Variants in DNAH10 observed in about 807,000 individuals in gnomAD.
DNAH10 encodes axonemal beta dynein heavy chain 10.
Under a neutral mutation model 506.6 loss-of-function variants are expected in DNAH10, and 348 were observed. That is an observed-to-expected ratio of 0.69 (90% CI 0.63 to 0.75). The LOEUF is 0.75. DNAH10 is among the 30% of genes least tolerant of loss of function. DNAH10 has a pLI of 0.00. For synonymous variants in DNAH10, 2,059 were observed against 2,198.6 expected, an observed-to-expected ratio of 0.94 and a Z score of 1.78; for missense variants, 5,179 against 5,787.1, an observed-to-expected ratio of 0.89 and a Z score of 3.41.
chr12:123,907,448 T>C lies in DNAH10; in HGVS notation c.9816-1813T>C, dbSNP rs1226381366. ...ACAGACATCTCCCTTTCTCTTGACT[T>C]GCACCCTCCACATTTCACACACCTT... is the stretch of plus-strand genomic sequence containing the variant. On this transcript the variant is annotated intron_variant, in intron 57 of 78. Transcript: ENST00000673944. The surrounding 1 kb of genome is among the most constrained non-coding windows in gnomAD (Gnocchi z 4.4). Among the ~76,000 whole-genome samples the C allele has an allele frequency of 6.6e-6, 1 of 152,196 alleles. No individual in the cohort carries two copies. Among genetic ancestry groups the C allele is most frequent in the Non-Finnish European group, 1.5e-5 (1 of 68,024 alleles).
intron 5 of DNAH10, among the ~76,000 whole-genome samples, chr12:123,775,237 T>TCA (rs1287171953): frequency 5.9e-5 from 9 of 152,180 alleles, no homozygotes; most frequent in Admixed American, 5.9e-4. Context: ...GCCTCCTGAG[T>TCA]GGCTGGGATT....
intron 17 of DNAH10, 101 bp downstream of exon 17, chr12:123,803,926 T>C: frequency 8.7e-7 from 1 of 1,145,580 alleles, no homozygotes; most frequent in Non-Finnish European, 1.2e-6. Flanking sequence ...ACATATGTAT[T>C]TGTATGTTCC....
At chr12:123,908,803 G>A (rs1953928939) in intron 57 of DNAH10, among the ~76,000 whole-genome samples, 1 of 152,158 alleles carries the variant, frequency 6.6e-6, no homozygotes, top group South Asian at 2.1e-4. Context: ...AGTCATGCAA[G>A]CTCCCAGGAC....
rs1343317952 is a variant in DNAH10 at position 123,913,729 on chromosome 12, G to A, written c.10352+414G>A. 2.0e-5 allele frequency among the ~76,000 whole-genome samples: 3 copies of A among 152,196 alleles called. No homozygotes were observed. The highest frequency in any genetic ancestry group is 1.3e-4 in the Admixed American group (2 of 15,286). ...GTGGCTTGTTCAATCCTGGGCTTCA[G>A]TCTTAAGTGATGGGGCTGTTTGATA... is the stretch of plus-strand genomic sequence containing the variant. On this transcript the variant is annotated intron_variant, in intron 60 of 78. Transcript: ENST00000673944. This position sits in a 1 kb window ranked among gnomAD's most constrained non-coding sequence, Gnocchi z 5.1.
chr12:123,873,657 C>T lies in DNAH10; in HGVS notation c.7885C>T (p.Pro2629Ser), dbSNP rs1952124845. ...AAAGCGAACCAAAGATACTTACGGC[C>T]CACCCATGGGAAAACGCCTGCTGGT... ...VEKRTKDTYGPPMGKRLLVFM... is the reference protein window; with the variant it reads ...VEKRTKDTYGSPMGKRLLVFM... Residue 2629 changes from proline (P) to serine (S), a missense_variant, in exon 46 of 79, where the codon CCA (proline) becomes TCA (serine). Pro to Ser is a moderately conservative substitution (Grantham distance 74). This residue lies in a region of DNAH10 where 4,844 missense variants were observed against 5,430.5 expected (regional missense o/e 0.89). Transcript: ENST00000673944. The T allele has an allele frequency of 6.2e-7, 1 of 1,613,396 alleles. No homozygotes were observed. The highest frequency in any genetic ancestry group is 8.5e-7 in the Non-Finnish European group (1 of 1,179,720).
intron 44 of DNAH10, 52 bp from the exon 45 acceptor site, chr12:123,871,405 G>A: frequency 1.9e-6 from 3 of 1,559,762 alleles, no homozygotes; most frequent in Non-Finnish European, 2.6e-6. Context: ...TGCCCCCAGT[G>A]CTCACCCTAT....
chr12:123,769,857 G>A (rs551894114), intron 2 of DNAH10, among the ~76,000 whole-genome samples: 2 of 151,286 alleles, frequency 1.3e-5, no homozygotes, highest in Non-Finnish European at 2.9e-5. Flanking sequence ...GGGCTCAAGC[G>A]ATCCTCCTGC....
intron 52 of DNAH10, among the ~76,000 whole-genome samples, chr12:123,887,726 C>T (rs1279474555): frequency 6.6e-6 from 1 of 151,992 alleles, no homozygotes; most frequent in Non-Finnish European, 1.5e-5. Context: ...GAGTTTGAGA[C>T]CCCGTCTTTA....
chr12:123,856,913 T>G (rs953050448), intron 36 of DNAH10, 143 bp from the exon 37 acceptor site: 15 of 435,578 alleles, frequency 3.4e-5, no homozygotes, highest in Non-Finnish European at 5.1e-5. Context: ...TAAATGTGTA[T>G]AAAATTGTTA....
intron 2 of DNAH10, among the ~76,000 whole-genome samples, chr12:123,769,209 G>A (rs761963200): frequency 9.9e-5 from 15 of 151,506 alleles, no homozygotes; most frequent in South Asian, 2.1e-4. Context: ...GCAATGGTGC[G>A]ATCTCGGCTT....
intron 16 of DNAH10, 65 bp from the exon 17 acceptor site, chr12:123,803,593 CGTT>C (rs1958550395): frequency 7.2e-7 from 1 of 1,394,182 alleles, no homozygotes; most frequent in East Asian, 2.6e-5. Context: ...ACATCACAGA[CGTT>C]GGTGGGGGGA....
Position 123,934,641 on chromosome 12 carries a change from T to C in DNAH10, c.13498T>C (p.Tyr4500His). 1 of 1,613,698 alleles carries C rather than the reference T, an allele frequency of 6.2e-7. No individual in the cohort carries two copies. The highest frequency in any genetic ancestry group is 8.5e-7 in the Non-Finnish European group (1 of 1,179,784). The change falls in exon 78 of 79, where the codon TAC (tyrosine) becomes CAC (histidine). Residue 4500 changes from tyrosine to histidine, a missense_variant. Transcript: ENST00000673944. ...CCTAGGATGCTTTGTCTCAGGACTG[T>C]ACCTGGAAGGTGCTGACTGGGATAT... Reference protein sequence around the residue: ...AGQGCFVSGLYLEGADWDIEK... With the variant: ...AGQGCFVSGLHLEGADWDIEK...
intron 54 of DNAH10, among the ~76,000 whole-genome samples, chr12:123,897,172 C>T (rs767485395): frequency 2.0e-5 from 3 of 152,194 alleles, no homozygotes; most frequent in East Asian, 3.8e-4. Flanking sequence ...GTTTCAGCAT[C>T]GGAACTTCAT....
rs558429595 is a variant in DNAH10 at position 123,934,843 on chromosome 12, A to G, written c.13623+77A>G. ...TGTAGTTATGGCTGAGGTGGTTTCC[A>G]ACAGTCCTACTTTTTAAAACAGGGG... is the stretch of plus-strand genomic sequence containing the variant. On this transcript the variant is annotated intron_variant, in intron 78 of 78. Coordinates refer to ENST00000673944, the MANE Select transcript of DNAH10 (RefSeq NM_001372106.1). 7.1e-5 allele frequency: 112 copies of G among 1,571,486 alleles called. No individual in the cohort carries two copies. The African/African-American group carries it at 1.2e-3, about 17-fold the overall frequency.
intron 2 of DNAH10, among the ~76,000 whole-genome samples, chr12:123,768,254 C>T (rs764254213): frequency 6.6e-6 from 1 of 152,160 alleles, no homozygotes; most frequent in Non-Finnish European, 1.5e-5. Context: ...CCTGCCTCAG[C>T]CTCCCAAGTA....
intron 12 of DNAH10, among the ~76,000 whole-genome samples, chr12:123,795,304 T>A (rs1594045269): frequency 6.6e-6 from 1 of 152,212 alleles, no homozygotes; most frequent in South Asian, 2.1e-4. Context: ...CTGGAACTAA[T>A]GACCACAGAT....
rs533252088 is a variant in DNAH10 at position 123,925,654 on chromosome 12, C to T, written c.11921+450C>T. The T allele has an allele frequency of 3.2e-4, 53 of 164,688 alleles. No individual in the cohort carries two copies. Among genetic ancestry groups the T allele is most frequent in the Non-Finnish European group, 5.8e-4 (44 of 75,876 alleles). 10.2% of individuals were successfully genotyped at this position (164,688 alleles called of 1,614,324 possible). On this transcript the variant is annotated intron_variant, in intron 68 of 78. Coordinates refer to ENST00000673944, the MANE Select transcript of DNAH10 (RefSeq NM_001372106.1). This position sits in a 1 kb window ranked among gnomAD's most constrained non-coding sequence, Gnocchi z 4.0. ...TTTAAGTGCTGTGCCTCACGGCCAT[C>T]GCACTGGACAATGTAGCTCTAGCAT...
chr12:123,824,339 G>C (rs1959738330), intron 24 of DNAH10, among the ~76,000 whole-genome samples: 1 of 152,142 alleles, frequency 6.6e-6, no homozygotes, highest in Non-Finnish European at 1.5e-5. Context: ...TCAGGGCAAG[G>C]TGATGTCTGC....
At chr12:123,788,771 C>T (rs1555216563) in intron 10 of DNAH10, among the ~76,000 whole-genome samples, 1 of 151,844 alleles carries the variant, frequency 6.6e-6, no homozygotes, top group South Asian at 2.1e-4. Flanking sequence ...ATTGAAAATA[C>T]AAAAATTAGC....
Sources: allele counts gnomAD v4.1 joint callset (sites outside exome capture counted in the v4.1 genomes callset), GRCh38; gene constraint gnomAD v4.1.1; regional missense constraint gnomAD v4.1.1; non-coding constraint Gnocchi (gnomAD v3.1); transcripts MANE v1.5; gene names NCBI Gene and HGNC (gene_info 2026-07-23, HGNC 2026-07-21).